SH3GL3: variants seen among roughly 807,000 people sequenced by gnomAD.
SH3GL3 encodes SH3 domain containing GRB2 like 3, endophilin A3, also known as endophilin-A3.
Under a neutral mutation model 47.7 loss-of-function variants are expected in SH3GL3, and 33 were observed. The ratio of observed to expected loss-of-function variants is 0.69; its 90% CI spans 0.52 to 0.92. The LOEUF (loss-of-function observed/expected upper bound fraction) is 0.92. Ranked by LOEUF, SH3GL3 falls within the 40% of genes least tolerant of loss-of-function variation. The pLI is 0.00. For missense variants in SH3GL3, 363 were observed against 417.8 expected (o/e 0.87, Z 1.14); for synonymous variants, 155 against 148.8 (o/e 1.04, Z -0.30).
intron 1 of SH3GL3, among the ~76,000 whole-genome samples, chr15:83,544,264 A>G (rs1470865338): frequency 6.6e-6 from 1 of 151,918 alleles, no homozygotes; most frequent in African/African-American, 2.4e-5. Context: ...TTCTTCATTG[A>G]CCCACTGGTC....
At chr15:83,508,499 G>T (rs2042608565) in intron 1 of SH3GL3, among the ~76,000 whole-genome samples, 1 of 152,176 alleles carries the variant, frequency 6.6e-6, no homozygotes, top group South Asian at 2.1e-4. Context: ...GTTTGTATGG[G>T]GCCTTAGTGT....
In SH3GL3 at chr15:83,448,098, G is replaced by A. The variant is rs1462769834; in HGVS notation, c.45+520G>A. Among the ~76,000 whole-genome samples, 1 of 152,158 alleles carries A rather than the reference G, an allele frequency of 6.6e-6. No individual in the cohort carries two copies. The highest frequency in any genetic ancestry group is 1.5e-5 in the Non-Finnish European group (1 of 68,028). ...GCATCGAAATGGCCCCGTCTGGACT[G>A]TGCCCGGCTCCCCGGCTGGGGCTCT... On this transcript the variant is annotated intron_variant, in intron 1 of 8. Coordinates refer to ENST00000427482, the MANE Select transcript of SH3GL3 (RefSeq NM_003027.5). This position sits in a 1 kb window ranked among gnomAD's most constrained non-coding sequence, Gnocchi z 4.2.
At chr15:83,587,223 C>T (rs1429828131) in intron 7 of SH3GL3, 137 bp downstream of exon 7, 3 of 572,984 alleles carry the variant, frequency 5.2e-6, no homozygotes, top group African/African-American at 3.9e-5. Flanking sequence ...CACTGGCTTT[C>T]ATGGTTGGAT....
At chr15:83,531,849 AGAGACAGAAT>A (rs1232203896) in intron 1 of SH3GL3, among the ~76,000 whole-genome samples, 1 of 151,238 alleles carries the variant, frequency 6.6e-6, no homozygotes. Flanking sequence ...TGAGAGAGAG[AGAGACAGAAT>A]GAGAGAGAGA....
chr15:83,616,138 A>G (rs1331534212), intron 8 of SH3GL3, among the ~76,000 whole-genome samples: 1 of 152,202 alleles, frequency 6.6e-6, no homozygotes, highest in African/African-American at 2.4e-5. Flanking sequence ...TAAAGGGTAA[A>G]TATGTGTAGT....
intron 1 of SH3GL3, among the ~76,000 whole-genome samples, chr15:83,531,079 A>G (rs2043647783): frequency 6.6e-6 from 1 of 152,222 alleles, no homozygotes. Context: ...AATCCTTAAC[A>G]TGCCCACAGA....
intron 1 of SH3GL3, among the ~76,000 whole-genome samples, chr15:83,548,783 G>T (rs555482908): frequency 6.6e-6 from 1 of 152,142 alleles, no homozygotes; most frequent in East Asian, 1.9e-4. Flanking sequence ...ATCCTGATTG[G>T]TATTCATAGA....
At chr15:83,551,271 A>G (rs933308874) in intron 1 of SH3GL3, among the ~76,000 whole-genome samples, 2 of 152,230 alleles carry the variant, frequency 1.3e-5, no homozygotes, top group African/African-American at 4.8e-5. Flanking sequence ...AACCTGAGAT[A>G]GGTCTAATTT....
chr15:83,608,699 C>A (rs1692779611), intron 8 of SH3GL3, among the ~76,000 whole-genome samples: 1 of 152,038 alleles, frequency 6.6e-6, no homozygotes, highest in African/African-American at 2.4e-5. Context: ...TGAATTGGAA[C>A]CAGAAATAAA....
At chr15:83,503,362 T>C (rs1316948556) in intron 1 of SH3GL3, among the ~76,000 whole-genome samples, 1 of 152,214 alleles carries the variant, frequency 6.6e-6, no homozygotes, top group African/African-American at 2.4e-5. Context: ...GATTTTTCTA[T>C]GAGAATATGG....
At chr15:83,506,221 T>C (rs1942151974) in intron 1 of SH3GL3, among the ~76,000 whole-genome samples, 1 of 152,246 alleles carries the variant, frequency 6.6e-6, no homozygotes, top group African/African-American at 2.4e-5. Context: ...TTTTTATGTT[T>C]TCATTTAAAA....
intron 8 of SH3GL3, among the ~76,000 whole-genome samples, chr15:83,592,966 C>T (rs1336455843): frequency 6.6e-6 from 1 of 152,068 alleles, no homozygotes; most frequent in African/African-American, 2.4e-5. Flanking sequence ...GGGCCTCATC[C>T]AAAACTTCCA....
At chr15:83,585,748 T>A (rs2059937665) in intron 6 of SH3GL3, among the ~76,000 whole-genome samples, 1 of 152,174 alleles carries the variant, frequency 6.6e-6, no homozygotes, top group African/African-American at 2.4e-5. Flanking sequence ...CATGGTAAAG[T>A]AAATGAAACC....
At chr15:83,596,217 AT>A (rs559645044) in intron 8 of SH3GL3, among the ~76,000 whole-genome samples, 1 of 152,076 alleles carries the variant, frequency 6.6e-6, no homozygotes, top group Admixed American at 6.6e-5. Context: ...ATTTAATTCC[AT>A]TTTTTATCAA....
chr15:83,477,153 C>G (rs919506625), intron 1 of SH3GL3, among the ~76,000 whole-genome samples: 11 of 152,132 alleles, frequency 7.2e-5, no homozygotes, highest in African/African-American at 2.7e-4. Context: ...GATGGGGACT[C>G]TCATTTACTT....
intron 1 of SH3GL3, among the ~76,000 whole-genome samples, chr15:83,498,798 C>T (rs2042179476): frequency 6.6e-6 from 1 of 152,206 alleles, no homozygotes; most frequent in African/African-American, 2.4e-5. Context: ...GAAAATCCTT[C>T]AGTGGCCCTT....
chr15:83,613,340 G>A (rs1306639121), intron 8 of SH3GL3, among the ~76,000 whole-genome samples: 2 of 152,214 alleles, frequency 1.3e-5, no homozygotes, highest in African/African-American at 4.8e-5. Context: ...TGCTGATGGA[G>A]TGTGATATGA....
chr15:83,522,436 T>C (rs1216288876), intron 1 of SH3GL3, among the ~76,000 whole-genome samples: 1 of 152,198 alleles, frequency 6.6e-6, no homozygotes, highest in Non-Finnish European at 1.5e-5. Flanking sequence ...CTTCCGTAAG[T>C]GCTGGTGTGG....
intron 5 of SH3GL3, among the ~76,000 whole-genome samples, chr15:83,573,180 A>C (rs1257500737): frequency 6.6e-6 from 1 of 152,218 alleles, no homozygotes; most frequent in Non-Finnish European, 1.5e-5. Context: ...AGATAATTGC[A>C]TGCCACTTGC....
Sources: gnomAD v4.1 joint callset for allele counts (sites outside exome capture counted in the v4.1 genomes callset) on GRCh38, gnomAD v4.1.1 for gene constraint, Gnocchi (gnomAD v3.1) non-coding constraint, MANE v1.5 for transcripts, NCBI Gene and HGNC (gene_info 2026-07-23, HGNC 2026-07-21) for gene names.